FAM20B: variants seen among roughly 807,000 people sequenced by gnomAD.
FAM20B encodes the protein glycosaminoglycan xylosylkinase.
In FAM20B, 23 loss-of-function variants were observed where a neutral mutation model predicts 43.8. The ratio of observed to expected loss-of-function variants is 0.53; its 90% CI spans 0.38 to 0.74. The LOEUF (loss-of-function observed/expected upper bound fraction) is 0.74, where lower values mean the gene tolerates loss of function less well. Ranked by LOEUF, FAM20B falls within the 30% of genes least tolerant of loss-of-function variation. The pLI, the probability that FAM20B is intolerant of heterozygous loss-of-function variation, is 0.00. For missense variants in FAM20B, 440 were observed against 510.5 expected (o/e 0.86, Z 1.33); for synonymous variants, 178 against 192.4 (o/e 0.93, Z 0.62).
At chr1:179,050,423 G>A (rs1206391154) in intron 3 of FAM20B, 58 bp downstream of exon 3, 44 of 1,316,416 alleles carry the variant, frequency 3.3e-5, no homozygotes, top group Non-Finnish European at 4.3e-5. Context: ...ATCTTTCTTG[G>A]AGAGGACTCG....
intron 1 of FAM20B, among the ~76,000 whole-genome samples, chr1:179,031,016 T>G (rs1377529052): frequency 1.3e-5 from 2 of 152,156 alleles, no homozygotes; most frequent in African/African-American, 4.8e-5. Context: ...GAGAGTGATC[T>G]CCTGTGTGGG....
chr1:179,052,370 G>A (rs1651043761), intron 3 of FAM20B, among the ~76,000 whole-genome samples: 1 of 151,894 alleles, frequency 6.6e-6, no homozygotes, highest in South Asian at 2.1e-4. Flanking sequence ...AAATGGCAAA[G>A]CTTAAAAAAA....
chr1:179,039,121 G>C (rs1051021827), intron 1 of FAM20B, among the ~76,000 whole-genome samples: 1 of 152,176 alleles, frequency 6.6e-6, no homozygotes, highest in African/African-American at 2.4e-5. Flanking sequence ...TTAATGGTTT[G>C]AGTTGTTAAA....
rs1179541700 is a variant in FAM20B at position 179,035,291 on chromosome 1, T to G, written c.-133-8424T>G. 3 of 641,686 alleles carry G rather than the reference T, an allele frequency of 4.7e-6. No homozygotes were observed. The East Asian group carries it at 9.8e-5, about 21-fold the overall frequency. 39.7% of individuals were successfully genotyped at this position (641,686 alleles called of 1,614,324 possible). On this transcript the variant is annotated intron_variant, in intron 1 of 7. Transcript: ENST00000263733. Reference sequence around the variant, plus strand: ...CCAGAGAATGGTCTGTCTTCAGTCTTTAAGGACTCAGCTCCTTACACGGGC... The same window carrying G: ...CCAGAGAATGGTCTGTCTTCAGTCTGTAAGGACTCAGCTCCTTACACGGGC...
At chr1:179,032,018 G>A (rs1206474443) in intron 1 of FAM20B, among the ~76,000 whole-genome samples, 1 of 152,152 alleles carries the variant, frequency 6.6e-6, no homozygotes, top group African/African-American at 2.4e-5. Flanking sequence ...TCACTCTGAA[G>A]ATATCTATTT....
chr1:179,044,149 T>C lies in FAM20B; in HGVS notation c.302T>C (p.Val101Ala). ...MATKKIIKAD[V>A]GYKGTQLKAL... ...ACCAAGAAAATCATTAAAGCTGATGTGGGTTATAAAGGGACACAGCTGAAA... is the reference window on the plus strand; with the variant it reads ...ACCAAGAAAATCATTAAAGCTGATGCGGGTTATAAAGGGACACAGCTGAAA... Residue 101 changes from valine to alanine, a missense_variant, in exon 2 of 8, where the codon GTG becomes GCG. Transcript: ENST00000263733. 3.7e-6 allele frequency: 6 copies of C among 1,613,950 alleles called. No homozygotes were observed. The highest frequency in any genetic ancestry group is 5.1e-6 in the Non-Finnish European group (6 of 1,179,968).
intron 4 of FAM20B, among the ~76,000 whole-genome samples, chr1:179,056,040 T>C (rs57181388): frequency 2.0e-4 from 31 of 152,292 alleles, no homozygotes; most frequent in African/African-American, 7.0e-4. Flanking sequence ...ATTTCCCAAA[T>C]AACCGCTGCC....
chr1:179,054,319 T>A (rs2102510561), intron 3 of FAM20B, among the ~76,000 whole-genome samples: 1 of 152,274 alleles, frequency 6.6e-6, no homozygotes, highest in East Asian at 1.9e-4. Context: ...ATCAGATTTG[T>A]CTTATTCTTT....
At chr1:179,058,528 A>T (rs1490834898) in intron 4 of FAM20B, among the ~76,000 whole-genome samples, 1 of 152,122 alleles carries the variant, frequency 6.6e-6, no homozygotes, top group Non-Finnish European at 1.5e-5. Context: ...GAAGGAAAGG[A>T]TGTGTGGGGG....
At chr1:179,045,270 C>A (rs910390817) in intron 2 of FAM20B, among the ~76,000 whole-genome samples, 2 of 152,160 alleles carry the variant, frequency 1.3e-5, no homozygotes, top group Admixed American at 6.5e-5. Context: ...GATTTGTATT[C>A]TTTTGCCGGG....
intron 7 of FAM20B, among the ~76,000 whole-genome samples, chr1:179,069,262 C>A (rs1202873154): frequency 6.6e-6 from 1 of 152,204 alleles, no homozygotes; most frequent in Non-Finnish European, 1.5e-5. Flanking sequence ...TTTGGAGAGC[C>A]CCTTCACCCT....
In FAM20B at chr1:179,044,169, C is replaced by T; in HGVS notation, c.322C>T (p.Leu108=). 1 of 1,614,052 alleles carries T rather than the reference C, an allele frequency of 6.2e-7. No individual in the cohort carries two copies. The highest frequency in any genetic ancestry group is 8.5e-7 in the Non-Finnish European group (1 of 1,179,986). The change falls in exon 2 of 8, where the codon CTG becomes TTG. Residue 108 remains leucine, a synonymous_variant. Transcript: ENST00000263733. ...KADVGYKGTQ[L]KALLILEGGQ... is the part of the protein sequence containing the mutation. The stretch of plus-strand genomic sequence containing the variant: ...TGATGTGGGTTATAAAGGGACACAG[C>T]TGAAAGCCTTACTGATACTTGAAGG...
intron 1 of FAM20B, among the ~76,000 whole-genome samples, chr1:179,039,144 T>C (rs1179417416): frequency 6.6e-6 from 1 of 152,232 alleles, no homozygotes; most frequent in Admixed American, 6.5e-5. Flanking sequence ...AATTGGAGAG[T>C]GAAGCAACAT....
chr1:179,045,763 A>G (rs1650739126), intron 2 of FAM20B, among the ~76,000 whole-genome samples: 1 of 151,940 alleles, frequency 6.6e-6, no homozygotes, highest in African/African-American at 2.4e-5. Flanking sequence ...GTGTGCACCT[A>G]TAGTCTCAGC....
chr1:179,068,782 G>T (rs1410330158), intron 7 of FAM20B, among the ~76,000 whole-genome samples: 1 of 152,174 alleles, frequency 6.6e-6, no homozygotes, highest in Non-Finnish European at 1.5e-5. Flanking sequence ...CTATAAAAGG[G>T]CTGAGGGAGA....
chr1:179,030,723 C>G (rs1183799247), intron 1 of FAM20B, among the ~76,000 whole-genome samples: 1 of 152,146 alleles, frequency 6.6e-6, no homozygotes, highest in East Asian at 1.9e-4. Context: ...CCCTAAAGGT[C>G]TTTCTCCTTT....
intron 2 of FAM20B, among the ~76,000 whole-genome samples, chr1:179,046,470 G>C (rs1328303144): frequency 9.7e-5 from 14 of 144,452 alleles, no homozygotes; most frequent in Middle Eastern, 4.5e-3. Flanking sequence ...GGCCAACATG[G>C]CGAAACCCCA....
chr1:179,023,072 G>T (rs964205626), upstream of FAM20B, among the ~76,000 whole-genome samples: 3 of 152,184 alleles, frequency 2.0e-5, no homozygotes, highest in Non-Finnish European at 4.4e-5. Context: ...TCCTGAAAAG[G>T]TGACTATGGC....
At chr1:179,046,488 TA>T (rs1049228635) in intron 2 of FAM20B, among the ~76,000 whole-genome samples, 27 of 151,468 alleles carry the variant, frequency 1.8e-4, no homozygotes, top group African/African-American at 6.1e-4. Flanking sequence ...CCATCTCTAC[TA>T]AAAATACAAA....
Sources: gnomAD v4.1 joint callset for allele counts (sites outside exome capture counted in the v4.1 genomes callset) on GRCh38, gnomAD v4.1.1 for gene constraint, MANE v1.5 for transcripts, NCBI Gene and HGNC (gene_info 2026-07-23, HGNC 2026-07-21) for gene names.